Variants in SLC35F3 observed in about 807,000 individuals in gnomAD.
SLC35F3 encodes the protein solute carrier family 35 member F3, also known as putative thiamine transporter SLC35F3.
In SLC35F3, 25 loss-of-function variants were observed where a neutral mutation model predicts 49.9. The observed-to-expected ratio is 0.50, with a 90% CI of 0.37 to 0.70. The LOEUF (loss-of-function observed/expected upper bound fraction) is 0.70. SLC35F3 is among the 30% of genes least tolerant of loss of function. The pLI, the probability that SLC35F3 is intolerant of heterozygous loss-of-function variation, is 0.00. For synonymous variants in SLC35F3, 275 were observed against 265.4 expected (o/e 1.04, Z -0.35); for missense variants, 525 against 639.8 (o/e 0.82, Z 1.94).
rs929790795 is a variant in SLC35F3, at chr1:234,252,546, T to C, written c.608+20805T>C. On this transcript the variant is annotated intron_variant, in intron 3 of 7. Transcript: ENST00000366618. ...TCTCTGTTAACAATCAACAACTCAA[T>C]AGAGAAATGAACAAAGGATATAAAC... Among the ~76,000 whole-genome samples, 15 of 151,996 alleles carry C rather than the reference T, an allele frequency of 9.9e-5. 1 individual carries two copies. Among genetic ancestry groups the C allele is most frequent in the Admixed American group, 8.5e-4 (13 of 15,258 alleles).
chr1:234,201,304 G>A (rs1250043576), intron 2 of SLC35F3, among the ~76,000 whole-genome samples: 1 of 152,240 alleles, frequency 6.6e-6, no homozygotes, highest in African/African-American at 2.4e-5. Flanking sequence ...ATTTTGCAGT[G>A]AAAGTGATTT....
chr1:234,088,536 T>C (rs907612395), intron 2 of SLC35F3, among the ~76,000 whole-genome samples: 1 of 152,196 alleles, frequency 6.6e-6, no homozygotes, highest in African/African-American at 2.4e-5. Flanking sequence ...AATGAATGAC[T>C]GGATTTATTT....
In SLC35F3 at chr1:234,323,050, G is replaced by A. The variant is rs533055309; in HGVS notation, c.1280G>A (p.Arg427Gln). Residue 427 changes from arginine (R) to glutamine (Q), a missense_variant, in exon 8 of 8, where the codon CGG becomes CAG. Coordinates refer to ENST00000366618, the MANE Select transcript of SLC35F3 (RefSeq NM_173508.4). The surrounding 1 kb of genome is among the most constrained non-coding windows in gnomAD (Gnocchi z 4.5). ...AGTCAGATCGTCTTCAATGGGGTCC[G>A]GGTCATCGCCATCATCATCATCGGC... is the stretch of plus-strand genomic sequence containing the variant. ...YTSQIVFNGV[R>Q]VIAIIIIGLG... The A allele has an allele frequency of 6.2e-7, 1 of 1,614,056 alleles. No individual in the cohort carries two copies. The highest frequency in any genetic ancestry group is 1.1e-5 in the South Asian group (1 of 91,072).
intron 2 of SLC35F3, among the ~76,000 whole-genome samples, chr1:234,116,616 A>G (rs1199413108): frequency 6.6e-6 from 1 of 151,978 alleles, no homozygotes; most frequent in Admixed American, 6.6e-5. Flanking sequence ...GGTTCAAGCA[A>G]TTCTCCTGCC....
intron 2 of SLC35F3, among the ~76,000 whole-genome samples, chr1:233,937,998 A>G (rs941412835): frequency 6.6e-6 from 1 of 152,200 alleles, no homozygotes; most frequent in African/African-American, 2.4e-5. Context: ...TGGGTTGACA[A>G]TAGTCATTAA....
intron 2 of SLC35F3, among the ~76,000 whole-genome samples, chr1:234,230,389 A>C (rs968698683): frequency 1.1e-4 from 16 of 151,316 alleles, no homozygotes; most frequent in Non-Finnish European, 5.9e-5. Flanking sequence ...TATATTCAGG[A>C]CTCATCTCCT....
chr1:234,239,430 G>C (rs1667520426), intron 3 of SLC35F3, among the ~76,000 whole-genome samples: 1 of 152,188 alleles, frequency 6.6e-6, no homozygotes, highest in Admixed American at 6.5e-5. Flanking sequence ...GTCAAGACTA[G>C]TAAGCCAGCC....
chr1:234,311,219 C>T (rs111391928), intron 4 of SLC35F3, among the ~76,000 whole-genome samples: 1 of 151,808 alleles, frequency 6.6e-6, no homozygotes, highest in Non-Finnish European at 1.5e-5. Flanking sequence ...TCCCTCTTCT[C>T]TTCTTCAGGA....
At chr1:234,098,579 A>T (rs1397702814) in intron 2 of SLC35F3, among the ~76,000 whole-genome samples, 1 of 144,470 alleles carries the variant, frequency 6.9e-6, no homozygotes, top group Non-Finnish European at 1.5e-5. Flanking sequence ...GGCAATTCAG[A>T]TGGCGGTGGT....
In SLC35F3 at chr1:234,253,828, G is replaced by A. The variant is rs117786033; in HGVS notation, c.608+22087G>A. On this transcript the variant is annotated intron_variant, in intron 3 of 7. Transcript: ENST00000366618. ...AAATAAGCCTTGAACAATGTCAAGG[G>A]CAAGGACATTTTTTTTCAGTCATTG... Among the ~76,000 whole-genome samples the A allele has an allele frequency of 3.7e-3, 563 of 152,350 alleles. 21 individuals are homozygous for A. In the South Asian group the frequency reaches 0.057, roughly 16 times the overall value.
chr1:234,255,236 CA>C (rs1222868764), intron 3 of SLC35F3, among the ~76,000 whole-genome samples: 1 of 152,050 alleles, frequency 6.6e-6, no homozygotes, highest in African/African-American at 2.4e-5. Context: ...ATACAGACAG[CA>C]AATTAGTATA....
chr1:234,183,512 C>G (rs903951700), intron 2 of SLC35F3, among the ~76,000 whole-genome samples: 2 of 142,662 alleles, frequency 1.4e-5, no homozygotes, highest in African/African-American at 2.4e-5. Flanking sequence ...TTGTGAAAAC[C>G]TAAGGTACTC....
intron 2 of SLC35F3, among the ~76,000 whole-genome samples, chr1:234,127,488 A>G (rs1476348075): frequency 1.3e-5 from 2 of 152,176 alleles, no homozygotes; most frequent in Non-Finnish European, 2.9e-5. Context: ...TTTTGTATAG[A>G]AAGCCATCTC....
chr1:234,147,078 A>G (rs896749756), intron 2 of SLC35F3, among the ~76,000 whole-genome samples: 22 of 152,152 alleles, frequency 1.4e-4, no homozygotes, highest in African/African-American at 5.3e-4. Flanking sequence ...TTCCTTGGTG[A>G]GTAATCTGCT....
intron 2 of SLC35F3, among the ~76,000 whole-genome samples, chr1:233,968,750 G>A (rs1419898886): frequency 1.3e-5 from 2 of 152,078 alleles, no homozygotes; most frequent in Admixed American, 6.6e-5. Flanking sequence ...CTCCCAAAGT[G>A]CTGGTATTAT....
At chr1:234,186,384 C>T (rs903337294) in intron 2 of SLC35F3, among the ~76,000 whole-genome samples, 14 of 152,294 alleles carry the variant, frequency 9.2e-5, no homozygotes, top group East Asian at 3.9e-4. Flanking sequence ...AGAGATTCAG[C>T]GGAAGGACTG....
At chr1:233,970,344 G>T (rs1430842713) in intron 2 of SLC35F3, among the ~76,000 whole-genome samples, 1 of 152,218 alleles carries the variant, frequency 6.6e-6, no homozygotes, top group Non-Finnish European at 1.5e-5. Context: ...AAGACCCACA[G>T]CCTGAGGATG....
intron 2 of SLC35F3, among the ~76,000 whole-genome samples, chr1:233,922,638 A>G (rs974395213): frequency 2.1e-5 from 3 of 144,450 alleles, no homozygotes; most frequent in African/African-American, 7.7e-5. Flanking sequence ...CTGTGCAGCA[A>G]CTCTTTAGTT....
chr1:234,077,969 G>GGGAGGAATTA (rs1490875799), intron 2 of SLC35F3, among the ~76,000 whole-genome samples: 1 of 152,104 alleles, frequency 6.6e-6, no homozygotes, highest in African/African-American at 2.4e-5. Context: ...AATTACTTCA[G>GGGAGGAATTA]CTCTCCACCA....
Sources: allele counts gnomAD v4.1 joint callset (sites outside exome capture counted in the v4.1 genomes callset), GRCh38; gene constraint gnomAD v4.1.1; non-coding constraint Gnocchi (gnomAD v3.1); transcripts MANE v1.5; gene names NCBI Gene and HGNC (gene_info 2026-07-23, HGNC 2026-07-21).